Variants in ZNF33A observed in about 807,000 individuals in gnomAD.
ZNF33A encodes zinc finger protein 33A, also known as brain my041 protein.
In ZNF33A, 9 loss-of-function variants were observed where a neutral mutation model predicts 15.9. The observed-to-expected ratio is 0.57, with a 90% CI of 0.34 to 0.99. The LOEUF (loss-of-function observed/expected upper bound fraction) is 0.99. Among genes scored for constraint, ZNF33A ranks in the 50% least tolerant of loss-of-function variants. The pLI is 0.02. For synonymous variants in ZNF33A, 294 were observed against 324.2 expected (o/e 0.91, Z 1.00); for missense variants, 843 against 941.6 (o/e 0.90, Z 1.37).
chr10:38,024,781 C>T (rs1280943910), intron 4 of ZNF33A, among the ~76,000 whole-genome samples: 1 of 152,208 alleles, frequency 6.6e-6, no homozygotes, highest in Non-Finnish European at 1.5e-5. Context: ...ATAAATAATT[C>T]CTCAGTTTTA....
In ZNF33A at chr10:38,055,367, TGTA is replaced by T; in HGVS notation, c.1244_1246del (p.Cys415_Asn416delinsTyr). ...ACATACAGGGGAGAAACCCTATCAA[TGTA>T]ATGCGTGTGGGAAAACTTTTTGCCA... On this transcript the variant is annotated inframe_deletion, in exon 5 of 5. Coordinates refer to ENST00000432900, the MANE Select transcript of ZNF33A (RefSeq NM_006954.2). The T allele has an allele frequency of 6.2e-7, 1 of 1,614,072 alleles. No homozygotes were observed. The highest frequency in any genetic ancestry group is 8.5e-7 in the Non-Finnish European group (1 of 1,180,002).
At position 38,010,758 on chromosome 10, in the gene ZNF33A, C is replaced by T. The variant is rs529525063; in HGVS notation, c.-70C>T. On this transcript the variant is annotated 5_prime_UTR_variant, in exon 1 of 5. Transcript: ENST00000432900. ...CAAGGGTCTACGCGCTTTTCTATGG[C>T]GAATGCAACCCGACGAGGGAGTGGG... The T allele has an allele frequency of 3.8e-6, 6 of 1,598,422 alleles. No individual in the cohort carries two copies. The Admixed American group carries it at 5.0e-5, about 13-fold the overall frequency.
chr10:38,013,327 T>A (rs752973791), intron 2 of ZNF33A, among the ~76,000 whole-genome samples: 19 of 152,014 alleles, frequency 1.2e-4, no homozygotes, highest in Non-Finnish European at 1.8e-4. Context: ...GCCAGGATGG[T>A]CTTGATATCT....
chr10:38,064,384 C>T, downstream of ZNF33A: 1 of 418,638 alleles, frequency 2.4e-6, no homozygotes, highest in Non-Finnish European at 4.2e-6. Flanking sequence ...GCTGAGGCTT[C>T]TCGTGTCCTT....
intron 4 of ZNF33A, among the ~76,000 whole-genome samples, chr10:38,035,905 G>A (rs1035819112): frequency 1.3e-5 from 2 of 152,154 alleles, no homozygotes; most frequent in Non-Finnish European, 2.9e-5. Flanking sequence ...CAACATTTAA[G>A]GAAGAAATAT....
At chr10:38,012,499 T>C (rs1325356418) in intron 2 of ZNF33A, 149 bp downstream of exon 2, 4 of 952,546 alleles carry the variant, frequency 4.2e-6, no homozygotes, top group East Asian at 2.6e-5. Context: ...TGTCCCCATC[T>C]CGGTTCACTG....
chr10:38,055,945 A>G lies in ZNF33A; in HGVS notation c.1821A>G (p.Lys607=), dbSNP rs757355402. ...ATAATAGAACACATACAGGGGAGAA[A>G]CCCTATGAATGTAATGAATGTGGAA... ...TKHNRTHTGE[K]PYECNECGKA... Residue 607 remains lysine (K), a synonymous_variant, in exon 5 of 5, where the codon AAA becomes AAG. Coordinates refer to ENST00000432900, the MANE Select transcript of ZNF33A (RefSeq NM_006954.2). 1 of 1,613,904 alleles carries G rather than the reference A, an allele frequency of 6.2e-7. No individual in the cohort carries two copies. Among genetic ancestry groups the G allele is most frequent in the South Asian group, 1.1e-5 (1 of 91,080 alleles).
downstream of ZNF33A, among the ~76,000 whole-genome samples, chr10:38,061,681 C>T (rs1245234612): frequency 6.6e-6 from 1 of 152,172 alleles, no homozygotes; most frequent in East Asian, 1.9e-4. Context: ...CAACAAATCC[C>T]AGCACTCTGG....
intron 4 of ZNF33A, among the ~76,000 whole-genome samples, chr10:38,028,817 T>C (rs2065095454): frequency 6.6e-6 from 1 of 152,096 alleles, no homozygotes; most frequent in African/African-American, 2.4e-5. Context: ...TCCCTTCTCA[T>C]TTCCTTCTGT....
chr10:38,014,645 A>G (rs2064361827), intron 2 of ZNF33A, among the ~76,000 whole-genome samples: 1 of 152,112 alleles, frequency 6.6e-6, no homozygotes, highest in Non-Finnish European at 1.5e-5. Context: ...GTCATCAATT[A>G]TGTGTACATA....
intron 1 of ZNF33A, among the ~76,000 whole-genome samples, chr10:38,011,557 A>G (rs2064185595): frequency 6.6e-6 from 1 of 152,182 alleles, no homozygotes; most frequent in Non-Finnish European, 1.5e-5. Flanking sequence ...ACTGGGCAAC[A>G]AGAGCGAAAC....
At chr10:38,045,780 T>C (rs2065921958) in intron 4 of ZNF33A, among the ~76,000 whole-genome samples, 1 of 152,172 alleles carries the variant, frequency 6.6e-6, no homozygotes, top group African/African-American at 2.4e-5. Flanking sequence ...TCCATTCTTT[T>C]TGAGGGTGAC....
rs143254393 is a variant in ZNF33A at position 38,037,512 on chromosome 10, G to A, written c.251-16863G>A. Among the ~76,000 whole-genome samples, 1,149 of 152,022 alleles carry A rather than the reference G, an allele frequency of 7.6e-3. 14 individuals carry two copies. Among genetic ancestry groups the A allele is most frequent in the African/African-American group, 0.027 (1,105 of 41,472 alleles). On this transcript the variant is annotated intron_variant, in intron 4 of 4. Coordinates refer to ENST00000432900, the MANE Select transcript of ZNF33A (RefSeq NM_006954.2). ...CTAATGTCTTTGTATTTTTAGTAGA[G>A]ATGGAGTTTCGTCATATTGGCCAGG...
At chr10:38,012,820 A>C (rs555376498) in intron 2 of ZNF33A, among the ~76,000 whole-genome samples, 1 of 152,298 alleles carries the variant, frequency 6.6e-6, no homozygotes, top group African/African-American at 2.4e-5. Context: ...TAGCAGGGCC[A>C]AGTTAGAGTC....
chr10:38,054,447 T>A lies in ZNF33A; in HGVS notation c.323T>A (p.Phe108Tyr). 1.2e-6 allele frequency: 2 copies of A among 1,609,110 alleles called. No individual in the cohort carries two copies. Among genetic ancestry groups the A allele is most frequent in the Non-Finnish European group, 1.7e-6 (2 of 1,178,516 alleles). Residue 108 changes from phenylalanine (F) to tyrosine (Y), a missense_variant, in exon 5 of 5, where the codon TTC becomes TAC. Phe to Tyr is a conservative substitution (Grantham distance 22). Transcript: ENST00000432900. ...TCTAAACATTTGTGGGAAGTTGTAT[T>A]CATCAATAATGAAATGCTGACTAAG... is the stretch of plus-strand genomic sequence containing the variant. Reference protein sequence around the residue: ...NQSKHLWEVVFINNEMLTKEQ... With the variant: ...NQSKHLWEVVYINNEMLTKEQ...
chr10:38,050,360 T>G (rs1165064265), intron 4 of ZNF33A, among the ~76,000 whole-genome samples: 1 of 152,216 alleles, frequency 6.6e-6, no homozygotes. Context: ...GTCAGTGTAA[T>G]TCCCTGTGTC....
At position 38,058,970 on chromosome 10, in the gene ZNF33A, G is replaced by C. The variant is rs1044139080; in HGVS notation, c.*2410G>C. The C allele has an allele frequency of 5.9e-5, 9 of 152,128 alleles. No homozygotes were observed. Among genetic ancestry groups the C allele is most frequent in the African/African-American group, 2.2e-4 (9 of 41,410 alleles). 9.4% of individuals were successfully genotyped at this position (152,128 alleles called of 1,614,324 possible). A position where few individuals can be genotyped will look rare whatever the true frequency, so the allele number is the denominator to read the frequency against. The stretch of plus-strand genomic sequence containing the variant: ...GCAAAACCAGGCAAAGATATTACAA[G>C]AAAGGAAAACTACAGATCAATATTT... On this transcript the variant is annotated 3_prime_UTR_variant, in exon 5 of 5. Transcript: ENST00000432900.
chr10:38,012,649 C>T lies in ZNF33A; in HGVS notation c.9+299C>T, dbSNP rs527788030. On this transcript the variant is annotated intron_variant, in intron 2 of 4. Transcript: ENST00000432900. ...GTTTCACCGTGTTGCCTAGGCTGGT[C>T]GCAAACTCCTGAGCTCAGTCAATCC... 7.9e-5 allele frequency among the ~76,000 whole-genome samples: 12 copies of T among 152,174 alleles called. No individual in the cohort carries two copies. In the South Asian group the frequency reaches 1.9e-3, roughly 24 times the overall value.
At position 38,058,844 on chromosome 10, in the gene ZNF33A, T is replaced by G. The variant is rs1418435594; in HGVS notation, c.*2284T>G. ...GTTCACTGATGTGTTTTTGAGATACTTAAGGTAGAAATGATACCAAGTCTC... is the reference window on the plus strand; with the variant it reads ...GTTCACTGATGTGTTTTTGAGATACGTAAGGTAGAAATGATACCAAGTCTC... On this transcript the variant is annotated 3_prime_UTR_variant, in exon 5 of 5. Coordinates refer to ENST00000432900, the MANE Select transcript of ZNF33A (RefSeq NM_006954.2). 2 of 152,162 alleles carry G rather than the reference T, an allele frequency of 1.3e-5. No homozygotes were observed. Among genetic ancestry groups the G allele is most frequent in the Non-Finnish European group, 2.9e-5 (2 of 68,044 alleles). The allele number at this position is 152,162 out of a possible 1,614,324, so 9.4% of individuals were successfully genotyped here. A position where few individuals can be genotyped will look rare whatever the true frequency, so the allele number is the denominator to read the frequency against.
Sources: allele counts gnomAD v4.1 joint callset (sites outside exome capture counted in the v4.1 genomes callset), GRCh38; gene constraint gnomAD v4.1.1; transcripts MANE v1.5; gene names NCBI Gene and HGNC (gene_info 2026-07-23, HGNC 2026-07-21).